The following BIN1 variants were observed in gnomAD, a reference collection of about 807,000 sequenced individuals.
BIN1 encodes myc box-dependent-interacting protein 1.
BIN1 carries 53 observed loss-of-function variants against 82.0 expected under a neutral mutation model. The ratio of observed to expected loss-of-function variants is 0.65; its 90% CI spans 0.52 to 0.81. The LOEUF is 0.81. BIN1 is among the 40% of genes least tolerant of loss of function. The pLI is 0.00. For synonymous variants in BIN1, 302 were observed against 328.0 expected, an observed-to-expected ratio of 0.92 and a Z score of 0.86; for missense variants, 642 against 784.4, an observed-to-expected ratio of 0.82 and a Z score of 2.17.
At chr2:127,104,120 C>T (rs1680708263) in intron 1 of BIN1, among the ~76,000 whole-genome samples, 1 of 152,248 alleles carries the variant, frequency 6.6e-6, no homozygotes, top group South Asian at 2.1e-4. Context: ...GGGCCTGTGT[C>T]CAGGCAGGAT....
At chr2:127,079,034 G>A (rs950970083) in intron 1 of BIN1, among the ~76,000 whole-genome samples, 5 of 152,216 alleles carry the variant, frequency 3.3e-5, no homozygotes, top group African/African-American at 7.2e-5. Context: ...CCTCTCCCCA[G>A]GAAGACAGAC....
At position 127,085,363 on chromosome 2, in the gene BIN1, G is replaced by A. The variant is rs1677993039; in HGVS notation, c.85-8657C>T. Among the ~76,000 whole-genome samples the A allele has an allele frequency of 3.3e-5, 5 of 152,218 alleles. No individual in the cohort carries two copies. The South Asian group carries it at 1.0e-3, about 32-fold the overall frequency. Reference sequence around the variant, plus strand: ...AGGCACAATGACTTTAAAGATAAGTGCATTCCATCTGGAGGCAAGAACGCT... The same window carrying A: ...AGGCACAATGACTTTAAAGATAAGTACATTCCATCTGGAGGCAAGAACGCT... On this transcript the variant is annotated intron_variant, in intron 1 of 18. Coordinates refer to ENST00000316724, the MANE Select transcript of BIN1 (RefSeq NM_139343.3).
intron 1 of BIN1, among the ~76,000 whole-genome samples, chr2:127,085,924 C>T (rs892560677): frequency 6.6e-6 from 1 of 152,220 alleles, no homozygotes; most frequent in Non-Finnish European, 1.5e-5. Context: ...GCTCAGCTCT[C>T]ACTTCAGAGG....
At chr2:127,054,119 A>C in intron 12 of BIN1, 107 bp from the exon 13 acceptor site, 1 of 874,448 alleles carries the variant, frequency 1.1e-6, no homozygotes, top group Non-Finnish European at 1.9e-6. Flanking sequence ...ACACACACAC[A>C]TACACACACC....
At chr2:127,074,077 A>G (rs865997136) in intron 2 of BIN1, among the ~76,000 whole-genome samples, 1 of 152,012 alleles carries the variant, frequency 6.6e-6, no homozygotes, top group Non-Finnish European at 1.5e-5. Context: ...TTCTTTAAAG[A>G]CTAAATCACC....
intron 1 of BIN1, among the ~76,000 whole-genome samples, chr2:127,085,444 A>G (rs949869935): frequency 3.9e-5 from 6 of 152,210 alleles, no homozygotes; most frequent in African/African-American, 1.4e-4. Flanking sequence ...ACATGCAGCA[A>G]GCACCTCCAG....
At chr2:127,069,067 G>A in intron 5 of BIN1, 36 bp from the exon 6 acceptor site, 2 of 1,595,316 alleles carry the variant, frequency 1.3e-6, no homozygotes, top group Non-Finnish European at 1.7e-6. Context: ...AGCGGGGCCT[G>A]GCACCCCTGC....
At chr2:127,079,613 ACT>A (rs1687045449) in intron 1 of BIN1, among the ~76,000 whole-genome samples, 1 of 151,938 alleles carries the variant, frequency 6.6e-6, no homozygotes, top group South Asian at 2.1e-4. Flanking sequence ...TCCTCAAAAC[ACT>A]CTGTACCACT....
At position 127,076,631 on chromosome 2, in the gene BIN1, G is replaced by C. The variant is rs765035434; in HGVS notation, c.160C>G (p.Gln54Glu). 2 of 1,614,150 alleles carry C rather than the reference G, an allele frequency of 1.2e-6. No individual in the cohort carries two copies. The highest frequency in any genetic ancestry group is 3.3e-5 in the Admixed American group (2 of 60,028). ...FEQCVQNFNK[Q>E]LTEGTRLQKD... ...CAAGGGCCACCCACACTCACCAGCT[G>C]CTTGTTGAAATTCTGGACGCACTGC... Residue 54 changes from glutamine (Q) to glutamate (E), a missense_variant, in exon 2 of 19, where the codon CAG (glutamine) becomes GAG (glutamate). Coordinates refer to ENST00000316724, the MANE Select transcript of BIN1 (RefSeq NM_139343.3).
intron 1 of BIN1, among the ~76,000 whole-genome samples, chr2:127,080,046 G>A (rs573772500): frequency 6.6e-6 from 1 of 152,366 alleles, no homozygotes; most frequent in Admixed American, 6.5e-5. Flanking sequence ...CGAGGCCCAG[G>A]GAAGACCCAT....
chr2:127,070,409 A>C, intron 4 of BIN1, 144 bp downstream of exon 4: 1 of 972,962 alleles, frequency 1.0e-6, no homozygotes, highest in Non-Finnish European at 1.6e-6. Flanking sequence ...GCCCTCAGAG[A>C]GGGAGGGCAG....
chr2:127,076,497 T>C (rs1686633030), intron 2 of BIN1, 129 bp downstream of exon 2: 14 of 1,070,326 alleles, frequency 1.3e-5, no homozygotes, highest in Non-Finnish European at 1.6e-5. Context: ...AAGTCTTACA[T>C]GATCTTGTCA....
chr2:127,052,377 C>T lies in BIN1; in HGVS notation c.1264-15G>A, dbSNP rs750540849. 3.9e-5 allele frequency: 61 copies of T among 1,565,698 alleles called. No individual in the cohort carries two copies. The African/African-American group carries it at 6.6e-4, about 17-fold the overall frequency. ...CTCTCTGTGGGCTGGTAACAGGCCA[C>T]GAGGAGAGAACAGGGAGGGGGCGGG... On this transcript the variant is annotated splice_polypyrimidine_tract_variant and intron_variant, in intron 14 of 18. Transcript: ENST00000316724.
rs375004668 is a variant in BIN1 at position 127,048,530 on chromosome 2, G to A, written c.1778C>T (p.Pro593Leu). The change falls in exon 19 of 19, where the codon CCA becomes CTA. Residue 593 changes from proline to leucine, a missense_variant. Transcript: ENST00000316724. ...VFPENFTERV[P>L] is the part of the protein sequence containing the mutation. ...GAGGCTGCCTGGGCCCCGCCGTCAT[G>A]GGACCCTCTCAGTGAAGTTCTCGGG... The A allele has an allele frequency of 5.6e-6, 9 of 1,613,902 alleles. No homozygotes were observed. The highest frequency in any genetic ancestry group is 6.8e-6 in the Non-Finnish European group (8 of 1,180,010).
intron 1 of BIN1, among the ~76,000 whole-genome samples, chr2:127,100,203 G>A (rs564955670): frequency 2.6e-5 from 4 of 152,306 alleles, no homozygotes; most frequent in African/African-American, 9.6e-5. Flanking sequence ...TTGCGTGCAT[G>A]AACCCCCATC....
At chr2:127,063,354 G>A (rs1309200584) in intron 9 of BIN1, among the ~76,000 whole-genome samples, 1 of 152,166 alleles carries the variant, frequency 6.6e-6, no homozygotes, top group African/African-American at 2.4e-5. Flanking sequence ...AAGGACCCAG[G>A]ACACTCTCAA....
chr2:127,068,855 C>G lies in BIN1; in HGVS notation c.519+69G>C. The G allele has an allele frequency of 6.9e-7, 1 of 1,447,150 alleles. No individual in the cohort carries two copies. Among genetic ancestry groups the G allele is most frequent in the Non-Finnish European group, 9.7e-7 (1 of 1,031,838 alleles). 89.6% of individuals were successfully genotyped at this position (1,447,150 alleles called of 1,614,324 possible). On this transcript the variant is annotated intron_variant, in intron 6 of 18. Coordinates refer to ENST00000316724, the MANE Select transcript of BIN1 (RefSeq NM_139343.3). This position sits in a 1 kb window ranked among gnomAD's most constrained non-coding sequence, Gnocchi z 4.9. The stretch of plus-strand genomic sequence containing the variant: ...CCAGGCAGGAGGAAGCCTCCACCCT[C>G]GGGGTCCTAGACACCCGCCCTCTCT...
chr2:127,079,597 C>T (rs1687042535), intron 1 of BIN1, among the ~76,000 whole-genome samples: 1 of 152,242 alleles, frequency 6.6e-6, no homozygotes, highest in Admixed American at 6.5e-5. Flanking sequence ...TCCCTGATCT[C>T]TCCTTTCCTC....
intron 18 of BIN1, 76 bp from the exon 19 acceptor site, chr2:127,048,709 C>T (rs1682489981): frequency 1.4e-6 from 2 of 1,428,896 alleles, no homozygotes; most frequent in Non-Finnish European, 2.0e-6. Context: ...CCACTCCAAC[C>T]TGCTGGGAAG....
Sources: allele counts gnomAD v4.1 joint callset (sites outside exome capture counted in the v4.1 genomes callset), GRCh38; gene constraint gnomAD v4.1.1; non-coding constraint Gnocchi (gnomAD v3.1); transcripts MANE v1.5; gene names NCBI Gene and HGNC (gene_info 2026-07-23, HGNC 2026-07-21).